TENM4: variants seen among roughly 807,000 people sequenced by gnomAD.
TENM4 encodes teneurin-4.
In TENM4, 82 loss-of-function variants were observed where a neutral mutation model predicts 243.3. The observed-to-expected ratio is 0.34, with a 90% confidence interval of 0.28 to 0.40. The LOEUF (loss-of-function observed/expected upper bound fraction) is 0.40, where lower values mean the gene tolerates loss of function less well. Among genes scored for constraint, TENM4 ranks in the 10% least tolerant of loss-of-function variants. TENM4 has a pLI of 1.00. For synonymous variants in TENM4, 1,412 were observed against 1,456.3 expected, an observed-to-expected ratio of 0.97 and a Z score of 0.69; for missense variants, 3,138 against 3,673.3, an observed-to-expected ratio of 0.85 and a Z score of 3.77.
At chr11:79,391,885 C>G (rs1459709393) in intron 1 of TENM4, among the ~76,000 whole-genome samples, 4 of 152,142 alleles carry the variant, frequency 2.6e-5, no homozygotes, top group African/African-American at 9.7e-5. Context: ...CAGCTGTGAG[C>G]ACTCCTATTG....
chr11:78,807,146 T>C (rs1857406466), intron 14 of TENM4, among the ~76,000 whole-genome samples: 1 of 152,220 alleles, frequency 6.6e-6, no homozygotes, highest in African/African-American at 2.4e-5. Context: ...GTGAATAGGT[T>C]GCTATGAACA....
intron 1 of TENM4, among the ~76,000 whole-genome samples, chr11:79,325,908 G>T (rs906064638): frequency 1.3e-5 from 2 of 152,160 alleles, no homozygotes; most frequent in African/African-American, 4.8e-5. Context: ...AGGAAATTTC[G>T]CACCAGGGTG....
At position 79,067,354 on chromosome 11, in the gene TENM4, G is replaced by T. The variant is rs115567283; in HGVS notation, c.224-2347C>A. ...TCCCTGCGTATCACACTCCCTGGCC[G>T]CTCTCTGATCTACACTCCTCTCTCC... On this transcript the variant is annotated intron_variant, in intron 5 of 33. Transcript: ENST00000278550. 3.4e-3 allele frequency among the ~76,000 whole-genome samples: 470 copies of T among 138,974 alleles called. 3 individuals carry two copies. The highest frequency in any genetic ancestry group is 0.012 in the African/African-American group (429 of 37,232). 91.2% of individuals were successfully genotyped at this position (138,974 alleles called of 152,430 possible).
At chr11:79,385,285 G>A (rs1456039334) in intron 1 of TENM4, among the ~76,000 whole-genome samples, 1 of 152,128 alleles carries the variant, frequency 6.6e-6, no homozygotes, top group African/African-American at 2.4e-5. Context: ...TTCCCTTCAT[G>A]GTGTGCAGCC....
At chr11:79,397,026 G>A (rs772279340) in intron 1 of TENM4, among the ~76,000 whole-genome samples, 22 of 152,280 alleles carry the variant, frequency 1.4e-4, no homozygotes, top group Non-Finnish European at 1.0e-4. Flanking sequence ...AGTCAAGGAC[G>A]CAGGTGCAGG....
chr11:79,138,051 C>A, intron 4 of TENM4, among the ~76,000 whole-genome samples: 1 of 151,540 alleles, frequency 6.6e-6, no homozygotes, highest in African/African-American at 2.4e-5. Flanking sequence ...AAAGCAGACC[C>A]ACACTTAATC....
chr11:78,705,560 T>G (rs1565341338), intron 27 of TENM4, among the ~76,000 whole-genome samples: 2 of 152,212 alleles, frequency 1.3e-5, no homozygotes, highest in Non-Finnish European at 2.9e-5. Context: ...TCAGAGGTCT[T>G]GCAGCTCCCA....
chr11:79,143,017 C>T (rs1282884478), intron 4 of TENM4, among the ~76,000 whole-genome samples: 1 of 152,068 alleles, frequency 6.6e-6, no homozygotes, highest in African/African-American at 2.4e-5. Flanking sequence ...ATTAAAAAGT[C>T]AGGAAACAAC....
chr11:78,754,755 G>A (rs927112680), intron 19 of TENM4, among the ~76,000 whole-genome samples: 4 of 152,080 alleles, frequency 2.6e-5, no homozygotes, highest in Non-Finnish European at 4.4e-5. Flanking sequence ...TCCTCACTCC[G>A]GCTCTGCCAC....
At chr11:78,916,623 T>C (rs1357284083) in intron 6 of TENM4, among the ~76,000 whole-genome samples, 1 of 152,204 alleles carries the variant, frequency 6.6e-6, no homozygotes, top group Non-Finnish European at 1.5e-5. Flanking sequence ...TATTGACACA[T>C]GACAATGATC....
chr11:79,019,120 C>T (rs1858856546), intron 6 of TENM4, among the ~76,000 whole-genome samples: 1 of 152,238 alleles, frequency 6.6e-6, no homozygotes, highest in African/African-American at 2.4e-5. Context: ...CTCCTCCACA[C>T]TTCCATGCCT....
chr11:78,987,897 C>T (rs1172099176), intron 6 of TENM4, among the ~76,000 whole-genome samples: 1 of 152,108 alleles, frequency 6.6e-6, no homozygotes, highest in Non-Finnish European at 1.5e-5. Context: ...GCCATTCACC[C>T]ACACAGGGCC....
intron 6 of TENM4, among the ~76,000 whole-genome samples, chr11:78,967,334 G>A (rs1857458204): frequency 6.6e-6 from 1 of 152,236 alleles, no homozygotes; most frequent in African/African-American, 2.4e-5. Flanking sequence ...TAGAAGGAAG[G>A]TAGGAAGGAA....
intron 2 of TENM4, among the ~76,000 whole-genome samples, chr11:79,259,434 A>T (rs1211405175): frequency 2.6e-5 from 4 of 152,156 alleles, no homozygotes; most frequent in Admixed American, 2.6e-4. Flanking sequence ...TAGAACATAC[A>T]TTCTAATGAA....
intron 19 of TENM4, among the ~76,000 whole-genome samples, chr11:78,749,933 C>T (rs769279678): frequency 1.4e-4 from 22 of 152,150 alleles, no homozygotes; most frequent in Non-Finnish European, 3.1e-4. Flanking sequence ...CTCCCACATG[C>T]CCCCTTTGCT....
At chr11:79,340,450 G>A (rs1010038938) in intron 1 of TENM4, among the ~76,000 whole-genome samples, 5 of 152,128 alleles carry the variant, frequency 3.3e-5, no homozygotes, top group African/African-American at 1.2e-4. Flanking sequence ...ACTACAAGCT[G>A]GAAAATGATA....
intron 28 of TENM4, among the ~76,000 whole-genome samples, chr11:78,690,170 G>A (rs1473191052): frequency 1.3e-5 from 2 of 152,160 alleles, no homozygotes; most frequent in African/African-American, 4.8e-5. Flanking sequence ...GTGGTCAAAG[G>A]GGTGGACTGC....
At chr11:78,688,498 T>C (rs761854484) in intron 28 of TENM4, among the ~76,000 whole-genome samples, 1 of 152,162 alleles carries the variant, frequency 6.6e-6, no homozygotes, top group African/African-American at 2.4e-5. Flanking sequence ...ACCTGCCTAC[T>C]GCCCAGGAGT....
intron 6 of TENM4, among the ~76,000 whole-genome samples, chr11:79,019,027 T>C (rs918656509): frequency 6.6e-6 from 1 of 152,176 alleles, no homozygotes; most frequent in Non-Finnish European, 1.5e-5. Context: ...TATTCCATGG[T>C]AGTGGTTTGA....
Sources: allele counts gnomAD v4.1 joint callset (sites outside exome capture counted in the v4.1 genomes callset), GRCh38; gene constraint gnomAD v4.1.1; transcripts MANE v1.5; gene names NCBI Gene and HGNC (gene_info 2026-07-23, HGNC 2026-07-21).